FAM124B: variants seen among roughly 807,000 people sequenced by gnomAD.
FAM124B encodes the protein protein FAM124B.
Under a neutral mutation model 19.7 loss-of-function variants are expected in FAM124B, and 18 were observed. The ratio of observed to expected loss-of-function variants is 0.92; its 90% CI spans 0.63 to 1.36. The LOEUF is 1.36. FAM124B is among the 40% of genes most tolerant of loss of function. FAM124B has a pLI of 0.00. For synonymous variants in FAM124B, 223 were observed against 225.2 expected (o/e 0.99, Z 0.09); for missense variants, 540 against 553.3 (o/e 0.98, Z 0.24).
chr2:224,381,938 G>T (rs1277228831), intron 1 of FAM124B, among the ~76,000 whole-genome samples: 2 of 152,110 alleles, frequency 1.3e-5, no homozygotes, highest in Non-Finnish European at 2.9e-5. Flanking sequence ...GAGAAAACAG[G>T]TCTAGAAATC....
intron 1 of FAM124B, among the ~76,000 whole-genome samples, chr2:224,393,826 A>G (rs867594851): frequency 6.6e-6 from 1 of 152,152 alleles, no homozygotes; most frequent in Admixed American, 6.5e-5. Context: ...AACTCTTCAG[A>G]AAGATCTTGT....
intron 1 of FAM124B, among the ~76,000 whole-genome samples, chr2:224,387,654 ACAG>A (rs1171716766): frequency 6.6e-6 from 1 of 152,106 alleles, no homozygotes; most frequent in African/African-American, 2.4e-5. Context: ...TGCCTCTTTC[ACAG>A]CAACATAAAG....
chr2:224,382,467 T>C (rs1338138294), intron 1 of FAM124B, among the ~76,000 whole-genome samples: 2 of 143,066 alleles, frequency 1.4e-5, no homozygotes, highest in Non-Finnish European at 3.0e-5. Context: ...TGGAGTGCAA[T>C]GGCGCAATCT....
intron 1 of FAM124B, among the ~76,000 whole-genome samples, chr2:224,389,804 A>T (rs1157773238): frequency 6.6e-6 from 1 of 152,124 alleles, no homozygotes; most frequent in Non-Finnish European, 1.5e-5. Flanking sequence ...CAACCCCACA[A>T]GGTGATTTTT....
rs370141388 is a variant in FAM124B, at chr2:224,401,218, A to G, written c.551T>C (p.Leu184Pro). Residue 184 changes from leucine to proline, a missense_variant, in exon 1 of 2, where the codon CTG (leucine) becomes CCG (proline). Transcript: ENST00000409685. ...GGGCAGCTGCTTCAGGGAGAGCTGCAGAGCAAAGCTCTTGGAGGCATAGAG... is the reference window on the plus strand; with the variant it reads ...GGGCAGCTGCTTCAGGGAGAGCTGCGGAGCAAAGCTCTTGGAGGCATAGAG... Reference protein sequence around the residue: ...FVLYASKSFALQLSLKQLPPG... With the variant: ...FVLYASKSFAPQLSLKQLPPG... The G allele has an allele frequency of 3.7e-6, 6 of 1,614,172 alleles. No homozygotes were observed. Among genetic ancestry groups the G allele is most frequent in the East Asian group, 2.2e-5 (1 of 44,888 alleles).
chr2:224,380,885 A>G (rs778469192), intron 1 of FAM124B, among the ~76,000 whole-genome samples: 28 of 152,190 alleles, frequency 1.8e-4, no homozygotes, highest in Non-Finnish European at 3.7e-4. Context: ...CTCTGGTTAC[A>G]AACTTACAGA....
rs1689673268 is a variant in FAM124B, at chr2:224,379,323, C to CACTA, written c.*249_*250insTAGT. On this transcript the variant is annotated 3_prime_UTR_variant, in exon 2 of 2. Coordinates refer to ENST00000409685, the MANE Select transcript of FAM124B (RefSeq NM_001122779.2). ...ACATCCAGCTGGGTTAGTGCATCTC[C>CACTA]ACGGAACAAAAGCATTCGGTTTTTT... is the stretch of plus-strand genomic sequence containing the variant. The CACTA allele has an allele frequency of 2.2e-6, 1 of 457,298 alleles. No individual in the cohort carries two copies. The highest frequency in any genetic ancestry group is 3.8e-6 in the Non-Finnish European group (1 of 264,124). The allele number at this position is 457,298 out of a possible 1,614,324, so 28.3% of individuals were successfully genotyped here.
rs953394068 is a variant in FAM124B at position 224,379,974 on chromosome 2, C to A, written c.967G>T (p.Val323Phe). Residue 323 changes from valine (V) to phenylalanine (F), a missense_variant, in exon 2 of 2, where the codon GTC (valine) becomes TTC (phenylalanine). Val to Phe is a conservative substitution (Grantham distance 50). Coordinates refer to ENST00000409685, the MANE Select transcript of FAM124B (RefSeq NM_001122779.2). Reference sequence around the variant, plus strand: ...TGGGCACCCATAGCTGGGCTGCTGACCTGGAATGACCGGCCAGGGCTTTTC... The same window carrying A: ...TGGGCACCCATAGCTGGGCTGCTGAACTGGAATGACCGGCCAGGGCTTTTC... The part of the protein sequence containing the change: ...SWKSPGRSFQ[V>F]SSPAMGAHLH... 3 of 1,551,626 alleles carry A rather than the reference C, an allele frequency of 1.9e-6. No individual in the cohort carries two copies. The African/African-American group carries it at 4.1e-5, about 21-fold the overall frequency.
At chr2:224,393,943 A>T (rs1350971967) in intron 1 of FAM124B, among the ~76,000 whole-genome samples, 1 of 152,100 alleles carries the variant, frequency 6.6e-6, no homozygotes, top group East Asian at 1.9e-4. Context: ...GCAGGTGCTG[A>T]TCTCTCCAGG....
chr2:224,396,660 AG>A (rs1176988827), intron 1 of FAM124B, among the ~76,000 whole-genome samples: 1 of 152,256 alleles, frequency 6.6e-6, no homozygotes, highest in Admixed American at 6.5e-5. Flanking sequence ...CACAGCATCT[AG>A]GGGTAGAAGC....
intron 1 of FAM124B, among the ~76,000 whole-genome samples, chr2:224,395,889 G>A (rs1320502249): frequency 6.6e-6 from 1 of 152,088 alleles, no homozygotes; most frequent in East Asian, 1.9e-4. Context: ...GCAGTTACAT[G>A]GTCTCCAGGA....
chr2:224,401,432 T>C lies in FAM124B; in HGVS notation c.337A>G (p.Asn113Asp), dbSNP rs200327175. Residue 113 changes from asparagine to aspartate, a missense_variant, in exon 1 of 2, where the codon AAT becomes GAT. Physicochemically the swap from Asn to Asp is conservative, Grantham distance 23 (BLOSUM62 1). Coordinates refer to ENST00000409685, the MANE Select transcript of FAM124B (RefSeq NM_001122779.2). ...CTGTCCAGGCTGTAGAACTCCTGAT[T>C]GGCAAAAAAGTAGGGACACAGCCTT... ...RGRLCPYFFA[N>D]QEFYSLDSQL... 2 of 1,613,944 alleles carry C rather than the reference T, an allele frequency of 1.2e-6. No individual in the cohort carries two copies. Among genetic ancestry groups the C allele is most frequent in the African/African-American group, 1.3e-5 (1 of 74,968 alleles).
chr2:224,397,476 G>GT (rs1283215859), intron 1 of FAM124B, among the ~76,000 whole-genome samples: 2 of 152,194 alleles, frequency 1.3e-5, no homozygotes, highest in African/African-American at 4.8e-5. Flanking sequence ...GTGGGGCATT[G>GT]CTGAACAGAT....
intron 1 of FAM124B, among the ~76,000 whole-genome samples, chr2:224,392,238 T>C (rs1689899280): frequency 1.3e-5 from 2 of 151,092 alleles, no homozygotes; most frequent in African/African-American, 4.9e-5. Context: ...AGACCAGGAG[T>C]TCAAGTTCAG....
Position 224,379,883 on chromosome 2 carries a change from C to T in FAM124B, c.1058G>A (p.Ser353Asn). 6.4e-7 allele frequency: 1 copy of T among 1,552,054 alleles called. No individual in the cohort carries two copies. The change falls in exon 2 of 2, where the codon AGC (serine) becomes AAC (asparagine). Residue 353 changes from serine (S) to asparagine (N), a missense_variant. Ser to Asn is a conservative substitution (Grantham distance 46). Transcript: ENST00000409685. ...CGTCTCGGCCTCAAGCTTCTGAAAG[C>T]TGTTTTCCCGGTTGAGGACCTTCAT... is the stretch of plus-strand genomic sequence containing the variant. ...ARMKVLNREN[S>N]FQKLEAETNV... is the part of the protein sequence containing the mutation.
At chr2:224,388,692 C>T (rs1295305168) in intron 1 of FAM124B, among the ~76,000 whole-genome samples, 1 of 152,168 alleles carries the variant, frequency 6.6e-6, no homozygotes, top group African/African-American at 2.4e-5. Flanking sequence ...GAATCGTACC[C>T]TCGAAAAATA....
chr2:224,386,537 G>A (rs889094524), intron 1 of FAM124B, among the ~76,000 whole-genome samples: 10 of 152,096 alleles, frequency 6.6e-5, no homozygotes, highest in Non-Finnish European at 7.4e-5. Context: ...AATGATAGTC[G>A]TGCCTTGCAT....
chr2:224,390,374 A>G (rs1689861826), intron 1 of FAM124B, among the ~76,000 whole-genome samples: 2 of 152,098 alleles, frequency 1.3e-5, no homozygotes, highest in African/African-American at 4.8e-5. Flanking sequence ...AAGCACCATC[A>G]GTTTGTGGCT....
intron 1 of FAM124B, among the ~76,000 whole-genome samples, chr2:224,397,978 T>C (rs1228526224): frequency 3.9e-5 from 6 of 152,224 alleles, no homozygotes; most frequent in African/African-American, 1.2e-4. Flanking sequence ...CCATGTAAGA[T>C]GCGACTGCTC....
Sources: allele counts gnomAD v4.1 joint callset (sites outside exome capture counted in the v4.1 genomes callset), GRCh38; gene constraint gnomAD v4.1.1; transcripts MANE v1.5; gene names NCBI Gene and HGNC (gene_info 2026-07-23, HGNC 2026-07-21).